The following LETM2 variants were observed in gnomAD, a reference collection of about 807,000 sequenced individuals.
LETM2 encodes LETM1 domain-containing protein LETM2, mitochondrial.
In LETM2, 58 loss-of-function variants were observed where a neutral mutation model predicts 59.6. That is an observed-to-expected ratio of 0.97 (90% CI 0.79 to 1.21). The LOEUF is 1.21. LETM2 is among the 50% of genes most tolerant of loss of function. LETM2 has a pLI of 0.00. For synonymous variants in LETM2, 199 were observed against 214.1 expected (o/e 0.93, Z 0.62); for missense variants, 572 against 575.7 (o/e 0.99, Z 0.07).
intron 6 of LETM2, 138 bp from the exon 7 acceptor site, chr8:38,402,387 G>A (rs1023112998): frequency 1.9e-5 from 16 of 834,908 alleles, no homozygotes; most frequent in African/African-American, 5.1e-5. Context: ...ACCTCCCTAC[G>A]TCGCCTTTGC....
At chr8:38,384,282 C>T (rs1391912734), upstream of LETM2, among the ~76,000 whole-genome samples, 1 of 152,148 alleles carries the variant, frequency 6.6e-6, no homozygotes, top group Non-Finnish European at 1.5e-5. Flanking sequence ...TTATATTAGC[C>T]TGTTTCTAAT....
Position 38,409,510 on chromosome 8 carries a change from A to G in LETM2, c.*1236A>G, listed in dbSNP as rs1814014411. The G allele has an allele frequency of 6.6e-6, 1 of 152,192 alleles. No homozygotes were observed. Among genetic ancestry groups the G allele is most frequent in the Admixed American group, 6.5e-5 (1 of 15,286 alleles). The allele number at this position is 152,192 out of a possible 1,614,324, so 9.4% of individuals were successfully genotyped here. On this transcript the variant is annotated 3_prime_UTR_variant, in exon 11 of 11. Coordinates refer to ENST00000379957, the MANE Select transcript of LETM2 (RefSeq NM_001286819.2). ...TGCCTATCGAGGTGATTCACAATAC[A>G]CTTTCCCATTTCAAAAATGACGGGT... is the stretch of plus-strand genomic sequence containing the variant.
chr8:38,404,924 C>G (rs1813595666), intron 8 of LETM2: 1 of 178,742 alleles, frequency 5.6e-6, no homozygotes, highest in Admixed American at 5.6e-5. Flanking sequence ...TGCAGTGAGA[C>G]GAGATCACGC....
upstream of LETM2, chr8:38,382,927 G>C (rs1438692787): frequency 6.6e-6 from 1 of 152,170 alleles, no homozygotes; most frequent in Non-Finnish European, 1.5e-5. The surrounding 1 kb of genome is among the most constrained non-coding windows in gnomAD (Gnocchi z 4.2). Flanking sequence ...CCGGCCGGCG[G>C]CGCCGGCTCG....
At chr8:38,394,342 C>A in intron 4 of LETM2, 101 bp downstream of exon 4, 2 of 550,342 alleles carry the variant, frequency 3.6e-6, no homozygotes, top group Non-Finnish European at 6.0e-6. Context: ...CCCCACCCAA[C>A]CCCATCCCAA....
chr8:38,406,919 T>C (rs1047658207), intron 8 of LETM2, 27 bp from the exon 9 acceptor site: 10 of 1,467,596 alleles, frequency 6.8e-6, no homozygotes, highest in Non-Finnish European at 9.5e-6. Context: ...AGAAAGCTTA[T>C]GATACATAAA....
chr8:38,407,612 G>C, intron 10 of LETM2, 149 bp downstream of exon 10: 1 of 608,642 alleles, frequency 1.6e-6, no homozygotes, highest in Admixed American at 3.1e-5. Flanking sequence ...CCAAACTTTA[G>C]TCATCTTGTA....
At chr8:38,395,469 T>C (rs918421131) in intron 4 of LETM2, among the ~76,000 whole-genome samples, 1 of 152,186 alleles carries the variant, frequency 6.6e-6, no homozygotes, top group Non-Finnish European at 1.5e-5. Context: ...CTGTGCTTAT[T>C]TACCATTTGT....
In LETM2 at chr8:38,402,585, G is replaced by A. The variant is rs1281243677; in HGVS notation, c.1045G>A (p.Ala349Thr). 2.5e-6 allele frequency: 4 copies of A among 1,613,708 alleles called. No homozygotes were observed. Among genetic ancestry groups the A allele is most frequent in the Admixed American group, 1.7e-5 (1 of 60,008 alleles). ...ATCAGAACTACAGGCTGCCTGTAGGGCCCGAGGGATGAGATCACTGGGTCT... is the reference window on the plus strand; with the variant it reads ...ATCAGAACTACAGGCTGCCTGTAGGACCCGAGGGATGAGATCACTGGGTCT... Reference protein sequence around the residue: ...SVSELQAACRARGMRSLGLTE... With the variant: ...SVSELQAACRTRGMRSLGLTE... Residue 349 changes from alanine to threonine, a missense_variant, in exon 7 of 11, where the codon GCC (alanine) becomes ACC (threonine). Coordinates refer to ENST00000379957, the MANE Select transcript of LETM2 (RefSeq NM_001286819.2).
upstream of LETM2, among the ~76,000 whole-genome samples, chr8:38,383,887 G>T (rs1170812319): frequency 6.7e-6 from 1 of 149,040 alleles, no homozygotes; most frequent in Middle Eastern, 3.5e-3. Context: ...CCGAGATCGC[G>T]CCACTGCACT....
rs1813914146 is a variant in LETM2, at chr8:38,408,406, T to C, written c.*132T>C. On this transcript the variant is annotated 3_prime_UTR_variant, in exon 11 of 11. Coordinates refer to ENST00000379957, the MANE Select transcript of LETM2 (RefSeq NM_001286819.2). ...GCTGTTTAGCCCGTGGGGCAGTCCT[T>C]TGAGGCCTGGTAACCATTCCAGGTG... is the stretch of plus-strand genomic sequence containing the variant. 5.5e-6 allele frequency: 4 copies of C among 724,014 alleles called. No homozygotes were observed. The highest frequency in any genetic ancestry group is 9.3e-6 in the Non-Finnish European group (4 of 430,646). The allele number at this position is 724,014 out of a possible 1,614,324, so 44.8% of individuals were successfully genotyped here.
intron 2 of LETM2, among the ~76,000 whole-genome samples, chr8:38,390,248 C>T (rs1407979389): frequency 3.3e-5 from 5 of 151,674 alleles, no homozygotes; most frequent in South Asian, 2.1e-4. Context: ...CTTGGGAGGC[C>T]GAGGTAGGAA....
chr8:38,392,760 G>A lies in LETM2; in HGVS notation c.266G>A (p.Gly89Asp). Residue 89 changes from glycine (G) to aspartate (D), a missense_variant, in exon 3 of 11, where the codon GGC becomes GAC. By Grantham distance (94) the Gly-to-Asp change is moderately conservative (BLOSUM62 -1). Transcript: ENST00000379957. ...ACTTGCTGGCTGCAAGAAGTTCCTG[G>A]CAAACCTCAGCTGGAGCAAGCCACA... ...TSTCWLQEVP[G>D]KPQLEQATKH... 6.2e-7 allele frequency: 1 copy of A among 1,614,080 alleles called. No homozygotes were observed. Among genetic ancestry groups the A allele is most frequent in the Non-Finnish European group, 8.5e-7 (1 of 1,180,032 alleles).
intron 7 of LETM2, 40 bp from the exon 8 acceptor site, chr8:38,404,353 T>C: frequency 7.4e-7 from 1 of 1,354,524 alleles, no homozygotes; most frequent in Non-Finnish European, 1.1e-6. Flanking sequence ...CTGGCTCTGG[T>C]GTTCTGATTC....
At position 38,408,238 on chromosome 8, in the gene LETM2, G is replaced by A. The variant is rs775720782; in HGVS notation, c.1440G>A (p.Thr480=). 8 of 1,612,906 alleles carry A rather than the reference G, an allele frequency of 5.0e-6. No homozygotes were observed. The highest frequency in any genetic ancestry group is 2.2e-5 in the East Asian group (1 of 44,894). Residue 480 remains threonine, a synonymous_variant, in exon 11 of 11, where the codon ACG becomes ACA. Transcript: ENST00000379957. ...CACTCCAGGCCAAATCACAAATGAC[G>A]GCCCAGAACAGCAAGGCTAGTTCAA... ...EPTLQAKSQM[T]AQNSKASSKG...
At chr8:38,404,795 C>T in intron 8 of LETM2, 1 of 302,276 alleles carries the variant, frequency 3.3e-6, no homozygotes, top group Non-Finnish European at 6.4e-6. Context: ...GCCTGACCAA[C>T]ATGGTGAAAT....
In LETM2 at chr8:38,394,155, G is replaced by C; in HGVS notation, c.559G>C (p.Val187Leu). 1 of 1,516,826 alleles carries C rather than the reference G, an allele frequency of 6.6e-7. No individual in the cohort carries two copies. 94.0% of individuals were successfully genotyped at this position (1,516,826 alleles called of 1,614,324 possible). Residue 187 changes from valine to leucine, a missense_variant, in exon 4 of 11, where the codon GTA (valine) becomes CTA (leucine). Coordinates refer to ENST00000379957, the MANE Select transcript of LETM2 (RefSeq NM_001286819.2). ...GGTTCCATTTATGGTGTTCTTAATT[G>C]TACCCTTCATGGAATTCTTATTACC... is the stretch of plus-strand genomic sequence containing the variant. ...RLVPFMVFLIVPFMEFLLPVF... is the reference protein window; with the variant it reads ...RLVPFMVFLILPFMEFLLPVF...
chr8:38,391,094 C>T (rs1467464391), intron 2 of LETM2, among the ~76,000 whole-genome samples: 2 of 146,940 alleles, frequency 1.4e-5, no homozygotes, highest in Non-Finnish European at 3.0e-5. Flanking sequence ...ATTTCTTCCA[C>T]ATGAGCCTAG....
rs535696865 is a variant in LETM2 at position 38,405,280 on chromosome 8, T to C, written c.1218+774T>C. 3.9e-5 allele frequency among the ~76,000 whole-genome samples: 6 copies of C among 152,208 alleles called. No homozygotes were observed. The East Asian group carries it at 5.8e-4, about 15-fold the overall frequency. On this transcript the variant is annotated intron_variant, in intron 8 of 10. Coordinates refer to ENST00000379957, the MANE Select transcript of LETM2 (RefSeq NM_001286819.2). ...TTAATCATTTTTCTTCCTGGTGTTG[T>C]AGGGAAGAGCATAAGATTGGCCCAG...
Sources: gnomAD v4.1 joint callset for allele counts (sites outside exome capture counted in the v4.1 genomes callset) on GRCh38, gnomAD v4.1.1 for gene constraint, Gnocchi (gnomAD v3.1) non-coding constraint, MANE v1.5 for transcripts, NCBI Gene and HGNC (gene_info 2026-07-23, HGNC 2026-07-21) for gene names.